PYHIN1: variants seen among roughly 807,000 people sequenced by gnomAD.
The protein encoded by PYHIN1 is pyrin and HIN domain family member 1.
In PYHIN1, 32 loss-of-function variants were observed where a neutral mutation model predicts 43.7. The ratio of observed to expected loss-of-function variants is 0.73; its 90% CI spans 0.55 to 0.98. PYHIN1 has a LOEUF of 0.98. Among genes scored for constraint, PYHIN1 ranks in the 50% least tolerant of loss-of-function variants. The pLI, the probability that PYHIN1 is intolerant of heterozygous loss-of-function variation, is 0.00. For missense variants in PYHIN1, 588 were observed against 589.5 expected (o/e 1.00, Z 0.03); for synonymous variants, 205 against 203.1 (o/e 1.01, Z -0.08).
chr1:158,941,575 T>C (rs1435459826), intron 4 of PYHIN1, among the ~76,000 whole-genome samples: 1 of 152,220 alleles, frequency 6.6e-6, no homozygotes. Context: ...GGACACCCTT[T>C]ACCATTTTCA....
intron 7 of PYHIN1, among the ~76,000 whole-genome samples, chr1:158,970,192 T>C (rs1650856301): frequency 6.6e-6 from 1 of 152,014 alleles, no homozygotes; most frequent in South Asian, 2.1e-4. Context: ...AGGAAAATAA[T>C]CAGCAATGAT....
At chr1:158,946,358 G>T (rs559979505) in intron 7 of PYHIN1, among the ~76,000 whole-genome samples, 2 of 152,224 alleles carry the variant, frequency 1.3e-5, no homozygotes, top group South Asian at 2.1e-4. Flanking sequence ...ATATGATTGA[G>T]GAGACCTATG....
rs1020591055 is a variant in PYHIN1 at position 158,976,734 on chromosome 1, T to C, written c.*39T>C. On this transcript the variant is annotated 3_prime_UTR_variant, in exon 9 of 9. Coordinates refer to ENST00000368140, the MANE Select transcript of PYHIN1 (RefSeq NM_152501.5). ...GGACAAGGATATCAAATAACTACTG[T>C]TCAATCTTTACTCAAGTGTGGAAAT... is the stretch of plus-strand genomic sequence containing the variant. The C allele has an allele frequency of 1.2e-6, 2 of 1,603,000 alleles. No individual in the cohort carries two copies. Among genetic ancestry groups the C allele is most frequent in the South Asian group, 2.3e-5 (2 of 88,714 alleles).
chr1:158,957,510 A>T (rs375739286), intron 7 of PYHIN1, among the ~76,000 whole-genome samples: 5 of 151,020 alleles, frequency 3.3e-5, no homozygotes, highest in South Asian at 2.1e-4. Context: ...GGGGAAAGGA[A>T]TCCCTATTTA....
At chr1:158,972,045 A>G (rs528444390) in intron 7 of PYHIN1, among the ~76,000 whole-genome samples, 2 of 152,242 alleles carry the variant, frequency 1.3e-5, no homozygotes, top group South Asian at 4.1e-4. Flanking sequence ...CAGATACATA[A>G]TCAGGCTTCA....
chr1:158,982,353 G>A, the PYHIN1 span, among the ~76,000 whole-genome samples: 2 of 152,096 alleles, frequency 1.3e-5, no homozygotes, highest in Admixed American at 1.3e-4. Context: ...TTAATTTTCT[G>A]TATATAACCA....
chr1:158,953,683 A>C (rs949306181), intron 7 of PYHIN1, among the ~76,000 whole-genome samples: 2 of 152,200 alleles, frequency 1.3e-5, no homozygotes, highest in African/African-American at 2.4e-5. Flanking sequence ...AAACTCTAAA[A>C]CACACAGTGC....
intron 3 of PYHIN1, 60 bp downstream of exon 3, chr1:158,938,602 T>C: frequency 6.4e-7 from 1 of 1,567,988 alleles, no homozygotes; most frequent in South Asian, 1.1e-5. Context: ...GCTGTGGCTG[T>C]TCCACTCAAT....
chr1:158,988,154 T>A, the PYHIN1 span, among the ~76,000 whole-genome samples: 1 of 152,140 alleles, frequency 6.6e-6, no homozygotes, highest in Non-Finnish European at 1.5e-5. Context: ...AAACTTCTGT[T>A]GTTTAGGCCA....
chr1:158,968,044 C>T (rs1212047576), intron 7 of PYHIN1, among the ~76,000 whole-genome samples: 2 of 151,858 alleles, frequency 1.3e-5, no homozygotes, highest in Admixed American at 6.6e-5. Context: ...GAAAAGACTT[C>T]GTTTTGAAGA....
At chr1:158,939,872 G>C in intron 4 of PYHIN1, 1 of 237,382 alleles carries the variant, frequency 4.2e-6, no homozygotes, top group Non-Finnish European at 8.2e-6. Flanking sequence ...GTGGACCACT[G>C]TAAACGAGGG....
chr1:158,973,395 C>A (rs1196967075), intron 7 of PYHIN1, among the ~76,000 whole-genome samples: 1 of 151,762 alleles, frequency 6.6e-6, no homozygotes, highest in Non-Finnish European at 1.5e-5. Flanking sequence ...TCCATTTTCT[C>A]TTATACTATA....
chr1:158,939,932 C>T (rs1439576464), intron 4 of PYHIN1: 3 of 167,942 alleles, frequency 1.8e-5, no homozygotes, highest in Non-Finnish European at 2.6e-5. Flanking sequence ...TACCTTTGCT[C>T]AACGAAAAAA....
chr1:158,950,188 C>T (rs1363509075), intron 7 of PYHIN1, among the ~76,000 whole-genome samples: 3 of 152,182 alleles, frequency 2.0e-5, no homozygotes, highest in Non-Finnish European at 4.4e-5. Context: ...TTAGCAGGTA[C>T]AGGTTGCAGA....
intron 7 of PYHIN1, among the ~76,000 whole-genome samples, chr1:158,955,373 G>A (rs1649852227): frequency 6.7e-6 from 1 of 149,436 alleles, no homozygotes; most frequent in African/African-American, 2.5e-5. Flanking sequence ...CTCAGCAAAT[G>A]TAAAAGAACA....
chr1:158,949,471 C>T (rs1001786949), intron 7 of PYHIN1, among the ~76,000 whole-genome samples: 11 of 151,816 alleles, frequency 7.2e-5, no homozygotes, highest in South Asian at 2.1e-4. Context: ...CATGCTGGTG[C>T]GCTGTACCCA....
intron 7 of PYHIN1, among the ~76,000 whole-genome samples, chr1:158,955,460 G>A (rs1223896594): frequency 1.4e-4 from 21 of 151,656 alleles, no homozygotes; most frequent in East Asian, 5.8e-4. Context: ...ACTCAAAACC[G>A]CTCAACTACA....
At position 158,971,919 on chromosome 1, in the gene PYHIN1, T is replaced by G. The variant is rs141072689; in HGVS notation, c.1360-1728T>G. On this transcript the variant is annotated intron_variant, in intron 7 of 8. Coordinates refer to ENST00000368140, the MANE Select transcript of PYHIN1 (RefSeq NM_152501.5). ...GAAGAGGTTAGGATATCTAAAGTTA[T>G]GCTGCTAGCCAGAGAAAATGCAAGA... Among the ~76,000 whole-genome samples, 13 of 151,862 alleles carry G rather than the reference T, an allele frequency of 8.6e-5. No homozygotes were observed. The East Asian group carries it at 2.5e-3, about 29-fold the overall frequency.
At chr1:158,977,970 A>C (rs901538844), downstream of PYHIN1, among the ~76,000 whole-genome samples, 2 of 152,134 alleles carry the variant, frequency 1.3e-5, no homozygotes, top group Non-Finnish European at 2.9e-5. Flanking sequence ...ATTATGAAAA[A>C]GTAGATAAAT....
Sources: allele counts gnomAD v4.1 joint callset (sites outside exome capture counted in the v4.1 genomes callset), GRCh38; gene constraint gnomAD v4.1.1; transcripts MANE v1.5; gene names NCBI Gene and HGNC (gene_info 2026-07-23, HGNC 2026-07-21).